The following MEIS2 variants were observed in gnomAD, a reference collection of about 807,000 sequenced individuals.
The protein encoded by MEIS2 is Meis homeobox 2.
A neutral mutation model predicts 58.6 loss-of-function variants in MEIS2; 9 were observed. That is an observed-to-expected ratio of 0.15 (90% CI 0.09 to 0.27). The LOEUF is 0.27. MEIS2 is among the 10% of genes least tolerant of loss of function. The pLI is 1.00. For missense variants in MEIS2, 427 were observed against 635.0 expected, an observed-to-expected ratio of 0.67 and a Z score of 3.52; for synonymous variants, 221 against 228.4, an observed-to-expected ratio of 0.97 and a Z score of 0.29.
chr15:36,971,552 A>AAAAAAAAAAAAAAAAAAG (rs2059568153), intron 8 of MEIS2, among the ~76,000 whole-genome samples: 1 of 146,406 alleles, frequency 6.8e-6, no homozygotes, highest in African/African-American at 2.5e-5. Context: ...AAAAAAAAAA[A>AAAAAAAAAAAAAAAAAAG]AAAAAAAAAA....
At position 37,098,080 on chromosome 15, in the gene MEIS2, C is replaced by A; in HGVS notation, c.132G>T (p.Pro44=). 1 of 1,613,760 alleles carries A rather than the reference C, an allele frequency of 6.2e-7. No homozygotes were observed. Among genetic ancestry groups the A allele is most frequent in the Non-Finnish European group, 8.5e-7 (1 of 1,179,922 alleles). ...PPVHHLNHGP[P]LHATQHYGAH... ...CGCCGTAGTGCTGTGTGGCGTGGAG[C>A]GGCGGCCCGTGGTTCAGGTGGTGAA... Residue 44 remains proline (P), a synonymous_variant, in exon 2 of 12, where the codon CCG becomes CCT. Transcript: ENST00000561208.
chr15:36,933,475 A>G (rs910077827), intron 9 of MEIS2, among the ~76,000 whole-genome samples: 7 of 152,082 alleles, frequency 4.6e-5, no homozygotes, highest in Non-Finnish European at 8.8e-5. Flanking sequence ...CATAACCTGC[A>G]TGGTTTAGAG....
intron 9 of MEIS2, among the ~76,000 whole-genome samples, chr15:36,927,355 G>A (rs1424239370): frequency 6.6e-6 from 1 of 152,058 alleles, no homozygotes. Flanking sequence ...ATCTGAGGGA[G>A]GCAGGTAGAG....
chr15:36,947,959 T>A (rs996340758), intron 9 of MEIS2, among the ~76,000 whole-genome samples: 3 of 151,960 alleles, frequency 2.0e-5, no homozygotes, highest in Admixed American at 2.0e-4. Context: ...ACTTTCAAAT[T>A]TCTTTCTGAA....
At chr15:36,931,243 A>G (rs1253259719) in intron 9 of MEIS2, among the ~76,000 whole-genome samples, 1 of 152,216 alleles carries the variant, frequency 6.6e-6, no homozygotes, top group African/African-American at 2.4e-5. Flanking sequence ...TCAGTATATC[A>G]TGGGGGAAGA....
At chr15:37,096,145 G>T (rs759786451) in intron 3 of MEIS2, 144 bp downstream of exon 3, 1 of 847,804 alleles carries the variant, frequency 1.2e-6, no homozygotes, top group Non-Finnish European at 1.8e-6. Context: ...CAGGCTCAGG[G>T]ATGGGGAGGA....
intron 8 of MEIS2, among the ~76,000 whole-genome samples, chr15:37,009,280 C>A (rs1283507714): frequency 6.6e-6 from 1 of 151,830 alleles, no homozygotes; most frequent in African/African-American, 2.4e-5. Flanking sequence ...CAGAGCGAGA[C>A]TCCGTCTCAA....
intron 8 of MEIS2, among the ~76,000 whole-genome samples, chr15:36,967,391 C>T (rs1021914107): frequency 2.0e-5 from 3 of 152,134 alleles, no homozygotes; most frequent in African/African-American, 7.2e-5. Flanking sequence ...TGGATTAGGA[C>T]AGTGTCCTTT....
intron 7 of MEIS2, among the ~76,000 whole-genome samples, chr15:37,053,613 T>C (rs865989866): frequency 6.6e-6 from 1 of 152,204 alleles, no homozygotes; most frequent in Admixed American, 6.5e-5. Context: ...AAAACTGCTG[T>C]ATTATTTGGG....
intron 9 of MEIS2, among the ~76,000 whole-genome samples, chr15:36,945,414 A>T (rs1249133693): frequency 6.6e-6 from 1 of 151,950 alleles, no homozygotes; most frequent in Admixed American, 6.6e-5. Flanking sequence ...AACCTACAAC[A>T]TGTTTTCACA....
chr15:37,049,342 A>G (rs899164421), intron 7 of MEIS2, among the ~76,000 whole-genome samples: 1 of 152,184 alleles, frequency 6.6e-6, no homozygotes, highest in African/African-American at 2.4e-5. Context: ...GGTGATGAAA[A>G]TGTCCTAAAA....
intron 8 of MEIS2, among the ~76,000 whole-genome samples, chr15:36,993,403 G>C (rs1375159289): frequency 6.6e-6 from 1 of 152,014 alleles, no homozygotes; most frequent in Non-Finnish European, 1.5e-5. Flanking sequence ...ATTCTAAATG[G>C]TAGATGGATC....
intron 6 of MEIS2, among the ~76,000 whole-genome samples, chr15:37,089,371 A>G (rs1893263217): frequency 6.6e-6 from 1 of 152,034 alleles, no homozygotes; most frequent in Admixed American, 6.6e-5. Flanking sequence ...AATTGAATTT[A>G]TCTAGAGTCA....
intron 8 of MEIS2, among the ~76,000 whole-genome samples, chr15:36,991,688 G>T (rs1424781704): frequency 6.7e-6 from 1 of 148,600 alleles, no homozygotes; most frequent in Non-Finnish European, 1.5e-5. Context: ...TATAAGGCAA[G>T]TACAAAGTAT....
chr15:36,972,033 T>G (rs2059588244), intron 8 of MEIS2, among the ~76,000 whole-genome samples: 1 of 152,288 alleles, frequency 6.6e-6, no homozygotes, highest in African/African-American at 2.4e-5. Context: ...CATTGCAATA[T>G]CAATAGGAGA....
chr15:36,970,780 A>G (rs1460370357), intron 8 of MEIS2, among the ~76,000 whole-genome samples: 1 of 152,228 alleles, frequency 6.6e-6, no homozygotes, highest in Non-Finnish European at 1.5e-5. Flanking sequence ...GAGAATCTTT[A>G]TACAAAGAAA....
upstream of MEIS2, chr15:37,100,763 A>C (rs1331074218): frequency 1.3e-5 from 2 of 149,964 alleles, no homozygotes; most frequent in African/African-American, 4.9e-5. Flanking sequence ...CGCGCGCGCG[A>C]ACAGGGAGAG....
chr15:37,053,520 G>C (rs936208445), intron 7 of MEIS2, among the ~76,000 whole-genome samples: 5 of 152,118 alleles, frequency 3.3e-5, no homozygotes, highest in Non-Finnish European at 5.9e-5. Flanking sequence ...CACATCTACT[G>C]AAGTTGGTAA....
chr15:36,988,517 C>G (rs956653494), intron 8 of MEIS2, among the ~76,000 whole-genome samples: 4 of 152,124 alleles, frequency 2.6e-5, no homozygotes, highest in African/African-American at 9.7e-5. Context: ...ATTGCTATGA[C>G]TTTACTTGTT....
Sources: allele counts gnomAD v4.1 joint callset (sites outside exome capture counted in the v4.1 genomes callset), GRCh38; gene constraint gnomAD v4.1.1; transcripts MANE v1.5; gene names NCBI Gene and HGNC (gene_info 2026-07-23, HGNC 2026-07-21).